The following YEATS4 variants were observed in gnomAD, a reference collection of about 807,000 sequenced individuals.
YEATS4 encodes YEATS domain-containing protein 4.
Under a neutral mutation model 30.1 loss-of-function variants are expected in YEATS4, and 17 were observed. The ratio of observed to expected loss-of-function variants is 0.56; its 90% confidence interval spans 0.39 to 0.85. The LOEUF (loss-of-function observed/expected upper bound fraction) is 0.85, where lower values mean the gene tolerates loss of function less well. YEATS4 is among the 40% of genes least tolerant of loss of function. The pLI is 0.00. For synonymous variants in YEATS4, 85 were observed against 87.5 expected (o/e 0.97, Z 0.16); for missense variants, 142 against 268.3 (o/e 0.53, Z 3.29).
At chr12:69,386,138 A>G (rs1260355832) in intron 6 of YEATS4, among the ~76,000 whole-genome samples, 1 of 152,234 alleles carries the variant, frequency 6.6e-6, no homozygotes, top group African/African-American at 2.4e-5. Context: ...GAACACTGGA[A>G]CAAGCTAAAA....
chr12:69,415,431 C>T, the YEATS4 span, among the ~76,000 whole-genome samples: 37 of 152,070 alleles, frequency 2.4e-4, no homozygotes, highest in South Asian at 2.1e-3. Flanking sequence ...AAAAATTAGC[C>T]GAGTATGGTG....
chr12:69,426,577 G>A, the YEATS4 span, among the ~76,000 whole-genome samples: 4 of 152,180 alleles, frequency 2.6e-5, no homozygotes, highest in Admixed American at 6.5e-5. Flanking sequence ...TATCATATTA[G>A]TCACGCTGAT....
intron 1 of YEATS4, 33 bp from the exon 2 acceptor site, chr12:69,362,755 T>C (rs1317499258): frequency 6.5e-7 from 1 of 1,533,826 alleles, no homozygotes. Flanking sequence ...AATGGTACAA[T>C]ATTCATTTAT....
chr12:69,416,421 A>G, the YEATS4 span, among the ~76,000 whole-genome samples: 1 of 152,214 alleles, frequency 6.6e-6, no homozygotes, highest in Non-Finnish European at 1.5e-5. Flanking sequence ...TTGCAAAACA[A>G]TCGGCCCCAA....
At chr12:69,406,010 A>G in the YEATS4 span, among the ~76,000 whole-genome samples, 2 of 152,244 alleles carry the variant, frequency 1.3e-5, no homozygotes, top group South Asian at 2.1e-4. Flanking sequence ...ATGTTCCACT[A>G]TATGAATGTT....
intron 6 of YEATS4, among the ~76,000 whole-genome samples, chr12:69,386,193 T>G (rs1318181340): frequency 6.6e-6 from 1 of 152,228 alleles, no homozygotes; most frequent in Non-Finnish European, 1.5e-5. Context: ...GCTAATTAAC[T>G]CATGTCTTCT....
chr12:69,377,302 C>T (rs1875907724), intron 6 of YEATS4, among the ~76,000 whole-genome samples: 1 of 152,188 alleles, frequency 6.6e-6, no homozygotes, highest in African/African-American at 2.4e-5. Context: ...TGGCTACAGA[C>T]ATTTAAAGCT....
At chr12:69,423,297 A>G in the YEATS4 span, among the ~76,000 whole-genome samples, 56,796 of 151,958 alleles carry the variant, frequency 0.37, 11,096 homozygotes, top group East Asian at 0.57. Flanking sequence ...TAAACTCTAG[A>G]GATTTCCAGT....
At chr12:69,403,460 C>T in the YEATS4 span, among the ~76,000 whole-genome samples, 1 of 151,878 alleles carries the variant, frequency 6.6e-6, no homozygotes, top group Non-Finnish European at 1.5e-5. Flanking sequence ...GCCTATAATC[C>T]CAGCTACTCG....
chr12:69,416,384 G>A, the YEATS4 span, among the ~76,000 whole-genome samples: 32 of 152,270 alleles, frequency 2.1e-4, no homozygotes, highest in Non-Finnish European at 4.3e-4. Context: ...AACTACATAC[G>A]GAACTGGGAT....
At chr12:69,368,506 A>G (rs1013862893) in intron 4 of YEATS4, among the ~76,000 whole-genome samples, 9 of 152,314 alleles carry the variant, frequency 5.9e-5, no homozygotes, top group African/African-American at 1.9e-4. Context: ...TTACAATGTA[A>G]TTGTAAGAAT....
Position 69,359,953 on chromosome 12 carries a change from G to A in YEATS4, c.-20G>A. 1 of 1,611,826 alleles carries A rather than the reference G, an allele frequency of 6.2e-7. No individual in the cohort carries two copies. Among genetic ancestry groups the A allele is most frequent in the Non-Finnish European group, 8.5e-7 (1 of 1,178,912 alleles). ...CCCGGTCTCTTTCCCTGGCGGCGGC[G>A]GCTTCTTCCGTGGGACAATATGTTC... is the stretch of plus-strand genomic sequence containing the variant. On this transcript the variant is annotated 5_prime_UTR_variant, in exon 1 of 7. Transcript: ENST00000247843.
intron 6 of YEATS4, among the ~76,000 whole-genome samples, chr12:69,382,115 A>G (rs1256096413): frequency 2.0e-5 from 3 of 152,342 alleles, no homozygotes; most frequent in East Asian, 1.9e-4. Flanking sequence ...ACCATTTCCC[A>G]TGAATAATCA....
At position 69,382,439 on chromosome 12, in the gene YEATS4, CT is replaced by C. The variant is rs200908931; in HGVS notation, c.515-7703del. 5.0e-3 allele frequency among the ~76,000 whole-genome samples: 741 copies of C among 147,614 alleles called. 3 individuals carry two copies. Among genetic ancestry groups the C allele is most frequent in the African/African-American group, 0.018 (712 of 40,524 alleles). ...AGCATCCTTCCCATTCTTCCCTCCCCTTTTTCCAGGCAGATGATTCTTTCCC... is the reference window on the plus strand; with the variant it reads ...AGCATCCTTCCCATTCTTCCCTCCCCTTTTCCAGGCAGATGATTCTTTCCC... On this transcript the variant is annotated intron_variant, in intron 6 of 6. Transcript: ENST00000247843.
chr12:69,389,302 T>C (rs1296077101), intron 6 of YEATS4, among the ~76,000 whole-genome samples: 1 of 151,486 alleles, frequency 6.6e-6, no homozygotes, highest in Non-Finnish European at 1.5e-5. Flanking sequence ...TACAAAAAAT[T>C]AGCCGGGCAT....
chr12:69,361,239 T>TTGTGTG (rs773008303), intron 1 of YEATS4: 7 of 131,948 alleles, frequency 5.3e-5, no homozygotes, highest in African/African-American at 1.0e-4. Flanking sequence ...TTTAAAATAC[T>TTGTGTG]TATGTGTGTG....
downstream of YEATS4, among the ~76,000 whole-genome samples, chr12:69,391,367 A>T (rs1868313999): frequency 6.6e-6 from 1 of 152,076 alleles, no homozygotes. Context: ...AGCTTCATGC[A>T]CTACTCCTAC....
Position 69,390,301 on chromosome 12 carries a change from A to G in YEATS4, c.669A>G (p.Gln223=). ...NEIRKLEEDD[Q]AKDI is the part of the protein sequence containing the mutation. ...TCAGAAAACTTGAAGAAGATGACCA[A>G]GCAAAAGACATATAAACAGTTCTCA... The change falls in exon 7 of 7, where the codon CAA becomes CAG. Residue 223 remains glutamine (Q), a synonymous_variant. Transcript: ENST00000247843. 1 of 1,586,082 alleles carries G rather than the reference A, an allele frequency of 6.3e-7. No homozygotes were observed. The highest frequency in any genetic ancestry group is 1.2e-5 in the South Asian group (1 of 84,996).
At chr12:69,419,775 A>G in the YEATS4 span, among the ~76,000 whole-genome samples, 1 of 152,248 alleles carries the variant, frequency 6.6e-6, no homozygotes, top group Non-Finnish European at 1.5e-5. Flanking sequence ...GGGCATAAAT[A>G]CAATGCAAGA....
Sources: allele counts gnomAD v4.1 joint callset (sites outside exome capture counted in the v4.1 genomes callset), GRCh38; gene constraint gnomAD v4.1.1; transcripts MANE v1.5; gene names NCBI Gene and HGNC (gene_info 2026-07-23, HGNC 2026-07-21).